KAZN: variants seen among roughly 807,000 people sequenced by gnomAD.
The protein encoded by KAZN is kazrin, periplakin interacting protein.
A neutral mutation model predicts 87.4 loss-of-function variants in KAZN; 40 were observed. That is an observed-to-expected ratio of 0.46 (90% CI 0.36 to 0.60). The LOEUF (loss-of-function observed/expected upper bound fraction) is 0.60. Among genes scored for constraint, KAZN ranks in the 20% least tolerant of loss-of-function variants. The probability of loss-of-function intolerance (pLI) is 0.00; values close to 1 mark genes in which losing one functional copy is unlikely to be tolerated. For synonymous variants in KAZN, 466 were observed against 458.3 expected, an observed-to-expected ratio of 1.02 and a Z score of -0.22; for missense variants, 898 against 1,073.9, an observed-to-expected ratio of 0.84 and a Z score of 2.29.
chr1:14,108,621 A>G (rs1463074471), intron 1 of KAZN, among the ~76,000 whole-genome samples: 1 of 152,066 alleles, frequency 6.6e-6, no homozygotes, highest in Admixed American at 6.5e-5. Context: ...AAAATACCCA[A>G]CTATCTCCCA....
chr1:14,801,212 T>C (rs1646005924), intron 1 of KAZN, among the ~76,000 whole-genome samples: 1 of 152,056 alleles, frequency 6.6e-6, no homozygotes. Context: ...CTCAGGGTGT[T>C]TCAGCATCAT....
intron 1 of KAZN, among the ~76,000 whole-genome samples, chr1:14,148,481 T>A (rs11586698): frequency 1.3e-5 from 2 of 151,984 alleles, no homozygotes; most frequent in African/African-American, 2.4e-5. Flanking sequence ...GAGTTTTCTC[T>A]TATTCTCTGA....
rs188508648 is a variant in KAZN, at chr1:13,940,207, G to A, written c.91+46451G>A. ...TTTTGGAATAGTTTCAGTAGGATTG[G>A]TACCAGTTCTTCCTTGCACATCTGA... On this transcript the variant is annotated intron_variant, in intron 1 of 16. Transcript: ENST00000636203. Among the ~76,000 whole-genome samples the A allele has an allele frequency of 6.9e-3, 1,055 of 152,180 alleles. 7 individuals carry two copies. Among genetic ancestry groups the A allele is most frequent in the Non-Finnish European group, 0.011 (775 of 68,010 alleles).
At chr1:14,226,697 T>C (rs925589924) in intron 2 of KAZN, among the ~76,000 whole-genome samples, 2 of 152,168 alleles carry the variant, frequency 1.3e-5, no homozygotes, top group African/African-American at 2.4e-5. Context: ...ATGGTACATA[T>C]ACACCATGCA....
chr1:14,802,653 G>C (rs1646076546), intron 1 of KAZN, among the ~76,000 whole-genome samples: 1 of 152,206 alleles, frequency 6.6e-6, no homozygotes. Flanking sequence ...ACGATCAGGG[G>C]GTTGCTTCCC....
At chr1:15,100,798 G>A (rs1251128389) in intron 10 of KAZN, among the ~76,000 whole-genome samples, 2 of 152,248 alleles carry the variant, frequency 1.3e-5, no homozygotes, top group Non-Finnish European at 2.9e-5. Flanking sequence ...CCCATCTGCA[G>A]AGCGAGGACG....
intron 2 of KAZN, among the ~76,000 whole-genome samples, chr1:14,585,665 G>C (rs144696104): frequency 6.6e-6 from 1 of 152,130 alleles, no homozygotes; most frequent in Non-Finnish European, 1.5e-5. Flanking sequence ...TTCAAGTAAC[G>C]AGGCAAAAGG....
At chr1:14,793,681 G>A (rs1466521351) in intron 1 of KAZN, among the ~76,000 whole-genome samples, 2 of 151,928 alleles carry the variant, frequency 1.3e-5, no homozygotes, top group African/African-American at 2.4e-5. Context: ...CTTTCCTTAC[G>A]CTCTGTGACT....
At chr1:13,900,647 G>C (rs1639215222) in intron 1 of KAZN, among the ~76,000 whole-genome samples, 1 of 152,118 alleles carries the variant, frequency 6.6e-6, no homozygotes, top group South Asian at 2.1e-4. Context: ...TCAGAGGCAG[G>C]GGCATGTGAT....
chr1:14,515,367 C>G (rs1265315181), intron 2 of KAZN, among the ~76,000 whole-genome samples: 1 of 152,206 alleles, frequency 6.6e-6, no homozygotes, highest in Non-Finnish European at 1.5e-5. Context: ...TCACTGAATG[C>G]CTGATACTTG....
chr1:15,079,216 T>C (rs918344849), intron 8 of KAZN, among the ~76,000 whole-genome samples: 3 of 152,016 alleles, frequency 2.0e-5, no homozygotes, highest in African/African-American at 7.2e-5. Context: ...CCAGTGTCCA[T>C]AGGCGCCTGT....
chr1:14,624,951 G>A (rs142131828), intron 1 of KAZN, among the ~76,000 whole-genome samples: 189 of 152,146 alleles, frequency 1.2e-3, no homozygotes, highest in African/African-American at 4.4e-3. Flanking sequence ...AACAAACAGG[G>A]ACAACATTTG....
At chr1:14,518,001 G>T (rs571187091) in intron 2 of KAZN, among the ~76,000 whole-genome samples, 2 of 152,236 alleles carry the variant, frequency 1.3e-5, no homozygotes, top group African/African-American at 4.8e-5. Flanking sequence ...TGAGTGATGG[G>T]TGTTTTACAC....
intron 2 of KAZN, among the ~76,000 whole-genome samples, chr1:14,980,351 C>T (rs1666107384): frequency 6.6e-6 from 1 of 152,146 alleles, no homozygotes; most frequent in Non-Finnish European, 1.5e-5. Flanking sequence ...TTTCCCGAGA[C>T]AGACAGGATC....
intron 5 of KAZN, among the ~76,000 whole-genome samples, chr1:15,057,456 GTCA>G (rs747090800): frequency 7.2e-5 from 11 of 152,130 alleles, no homozygotes; most frequent in Non-Finnish European, 1.5e-4. Context: ...CATTATCATC[GTCA>G]TCATCACCAT....
intron 10 of KAZN, among the ~76,000 whole-genome samples, chr1:15,101,039 G>T (rs7536059): frequency 6.6e-6 from 1 of 152,004 alleles, no homozygotes. Context: ...CCTGCCACAC[G>T]TGGCCCTTCT....
intron 2 of KAZN, among the ~76,000 whole-genome samples, chr1:14,341,479 C>A (rs1441288950): frequency 6.6e-6 from 1 of 152,210 alleles, no homozygotes; most frequent in Non-Finnish European, 1.5e-5. Context: ...GCACCACTGT[C>A]CTTGTGTCCC....
At chr1:14,469,911 A>C (rs913282353) in intron 2 of KAZN, among the ~76,000 whole-genome samples, 2 of 152,174 alleles carry the variant, frequency 1.3e-5, no homozygotes, top group Non-Finnish European at 2.9e-5. Context: ...TTTGGCTTTG[A>C]ATAATGTCTT....
At chr1:14,466,886 G>T (rs912370614) in intron 2 of KAZN, among the ~76,000 whole-genome samples, 3 of 152,074 alleles carry the variant, frequency 2.0e-5, no homozygotes, top group Non-Finnish European at 4.4e-5. Context: ...GGAGAATGGC[G>T]TGAACCCAGG....
Sources: gnomAD v4.1 joint callset for allele counts (sites outside exome capture counted in the v4.1 genomes callset) on GRCh38, gnomAD v4.1.1 for gene constraint, MANE v1.5 for transcripts, NCBI Gene and HGNC (gene_info 2026-07-23, HGNC 2026-07-21) for gene names.